The following TTC34 variants were observed in gnomAD, a reference collection of about 807,000 sequenced individuals.
TTC34 encodes the protein tetratricopeptide repeat protein 34.
In TTC34, 44 loss-of-function variants were observed where a neutral mutation model predicts 40.7. The observed-to-expected ratio is 1.08, with a 90% CI of 0.85 to 1.39. The LOEUF (loss-of-function observed/expected upper bound fraction) is 1.39, where lower values mean the gene tolerates loss of function less well. TTC34 is among the 40% of genes most tolerant of loss of function. TTC34 has a pLI of 0.00. For missense variants in TTC34, 884 were observed against 838.0 expected (o/e 1.05, Z -0.68); for synonymous variants, 422 against 398.6 (o/e 1.06, Z -0.70).
chr1:2,641,306 G>C, exon 9 of TTC34: 2 of 1,441,474 alleles, frequency 1.4e-6, no homozygotes. Flanking sequence ...CCCTGGGCCT[G>C]GACATCAGGT....
chr1:2,652,432 A>T (rs534042528), intron 6 of TTC34, among the ~76,000 whole-genome samples: 1 of 152,090 alleles, frequency 6.6e-6, no homozygotes, highest in East Asian at 1.9e-4. Flanking sequence ...ACAGCCTGGA[A>T]CAGCACCCAC....
In TTC34 at chr1:2,684,693, G is replaced by A. The variant is rs559036277; in HGVS notation, c.2227-39130C>T. ...CACCCACACGCCCAGGTGAGCATCT[G>A]ACAGCCTGGAACGGCAACCACACCC... is the stretch of plus-strand genomic sequence containing the variant. On this transcript the variant is annotated intron_variant, in intron 6 of 8. Coordinates refer to ENST00000401095, the Ensembl canonical transcript of TTC34. Among the ~76,000 whole-genome samples, 83 of 129,942 alleles carry A rather than the reference G, an allele frequency of 6.4e-4. 2 individuals are homozygous for A. The highest frequency in any genetic ancestry group is 2.7e-3 in the African/African-American group (81 of 29,480). 85.2% of individuals were successfully genotyped at this position (129,942 alleles called of 152,430 possible).
At chr1:2,759,471 C>CTG (rs1641619463) in intron 6 of TTC34, among the ~76,000 whole-genome samples, 1 of 5,396 alleles carries the variant, frequency 1.9e-4, no homozygotes. Context: ...TGGAGCAGCA[C>CTG]CCCACACCCC....
rs370204380 is a variant in TTC34, at chr1:2,645,790, AC to A, written c.2227-228del. On this transcript the variant is annotated intron_variant, in intron 6 of 8. Coordinates refer to ENST00000401095, the Ensembl canonical transcript of TTC34. The surrounding 1 kb of genome is among the most constrained non-coding windows in gnomAD (Gnocchi z 4.7). ...GCATTTGAGGGGACTCAGCTCACTG[AC>A]CTTGACTCTGAAAGTTGTCAGGCTC... is the stretch of plus-strand genomic sequence containing the variant. 3.7e-4 allele frequency among the ~76,000 whole-genome samples: 56 copies of A among 152,114 alleles called. No individual in the cohort carries two copies. The East Asian group carries it at 9.7e-3, about 26-fold the overall frequency.
At chr1:2,752,128 G>A (rs1262964405) in intron 6 of TTC34, among the ~76,000 whole-genome samples, 38,958 of 73,854 alleles carry the variant, frequency 0.53, 13,989 homozygotes, top group African/African-American at 0.75. Context: ...CAACACCCAC[G>A]CCCCCAGGTG....
At position 2,783,600 on chromosome 1, in the gene TTC34, G is replaced by A. The variant is rs1257252541; in HGVS notation, c.2226+9C>T. The A allele has an allele frequency of 3.6e-6, 5 of 1,407,992 alleles. No homozygotes were observed. The highest frequency in any genetic ancestry group is 4.7e-6 in the Non-Finnish European group (5 of 1,064,078). 87.2% of individuals were successfully genotyped at this position (1,407,992 alleles called of 1,614,324 possible). On this transcript the variant is annotated intron_variant, in intron 6 of 8. Transcript: ENST00000401095. ...CTTGCCCAGGCCCAGGTCAGGAGTG[G>A]GGCGGCACCTGCAGCTGGTCTAGGG...
intron 6 of TTC34, among the ~76,000 whole-genome samples, chr1:2,767,840 C>G (rs1405888553): frequency 6.8e-6 from 1 of 147,862 alleles, no homozygotes; most frequent in South Asian, 2.2e-4. Flanking sequence ...TGGAGCAGCA[C>G]CCACACCCCC....
In TTC34 at chr1:2,783,641, C is replaced by T. The variant is rs1029442006; in HGVS notation, c.2194G>A (p.Ala732Thr). 6.8e-6 allele frequency: 10 copies of T among 1,468,344 alleles called. No individual in the cohort carries two copies. The highest frequency in any genetic ancestry group is 9.1e-6 in the Non-Finnish European group (10 of 1,096,582). The allele number at this position is 1,468,344 out of a possible 1,614,324, so 91.0% of individuals were successfully genotyped here. A position where few individuals can be genotyped will look rare whatever the true frequency, so the allele number is the denominator to read the frequency against. Residue 732 changes from alanine to threonine, a missense_variant, in exon 6 of 9, where the codon GCG (alanine) becomes ACG (threonine). Ala to Thr is a moderately conservative substitution (Grantham distance 58). Transcript: ENST00000401095. ...TGGTCTAGGGCCAGGTGCACCAACGCCCGTCCACACAGTGCCTGCACGTTC... is the reference window on the plus strand; with the variant it reads ...TGGTCTAGGGCCAGGTGCACCAACGTCCGTCCACACAGTGCCTGCACGTTC...
intron 6 of TTC34, among the ~76,000 whole-genome samples, chr1:2,652,110 A>G (rs866568713): frequency 1.0e-4 from 1 of 9,926 alleles, no homozygotes; most frequent in African/African-American, 3.6e-4. Context: ...GACAGACTGG[A>G]ACAGCACCCT....
In TTC34 at chr1:2,691,879, C is replaced by T. The variant is rs113858725; in HGVS notation, c.2227-46316G>A. ...GCCCCCACACCCAGAGGTGAGCATC[C>T]GACAGCCAGGAGCAGCAACCTGCAC... On this transcript the variant is annotated intron_variant, in intron 6 of 8. Transcript: ENST00000401095. Among the ~76,000 whole-genome samples the T allele has an allele frequency of 5.7e-4, 31 of 54,230 alleles. 2 individuals are homozygous for T. The East Asian group carries it at 6.3e-3, about 11-fold the overall frequency. The allele number at this position is 54,230 out of a possible 152,430, so 35.6% of individuals were successfully genotyped here. A position where few individuals can be genotyped will look rare whatever the true frequency, so the allele number is the denominator to read the frequency against.
At chr1:2,759,544 G>T (rs1641622571) in intron 6 of TTC34, among the ~76,000 whole-genome samples, 34 of 149,650 alleles carry the variant, frequency 2.3e-4, no homozygotes, top group Admixed American at 5.3e-4. Flanking sequence ...TGACAGCCTG[G>T]AACAGCACCC....
intron 6 of TTC34, among the ~76,000 whole-genome samples, chr1:2,652,508 T>TTG (rs1570753889): frequency 7.2e-6 from 1 of 139,708 alleles, no homozygotes; most frequent in Non-Finnish European, 1.5e-5. Context: ...TCTGACGGCC[T>TTG]GCAACAGCAC....
intron 6 of TTC34, among the ~76,000 whole-genome samples, chr1:2,688,531 C>G (rs534945958): frequency 1.4e-5 from 2 of 146,014 alleles, no homozygotes; most frequent in South Asian, 2.1e-4. Context: ...GTACCCACAC[C>G]CACAGGCGAG....
chr1:2,786,148 G>A (rs1643585917), intron 4 of TTC34, 125 bp from the exon 5 acceptor site: 5 of 860,244 alleles, frequency 5.8e-6, no homozygotes, highest in South Asian at 2.7e-5. Flanking sequence ...TGGTGCCAAC[G>A]CTCCCAGTCC....
intron 6 of TTC34, among the ~76,000 whole-genome samples, chr1:2,751,146 C>A (rs1641305772): frequency 9.5e-6 from 1 of 104,864 alleles, no homozygotes; most frequent in Admixed American, 1.0e-4. Context: ...GAGCATCTGA[C>A]ACCCTGGAGC....
intron 6 of TTC34, among the ~76,000 whole-genome samples, chr1:2,685,150 C>G (rs1570809900): frequency 7.0e-6 from 1 of 143,802 alleles, no homozygotes; most frequent in African/African-American, 2.7e-5. Context: ...CCTGGAACAG[C>G]ACCCACAACC....
chr1:2,650,009 A>T (rs542690880), intron 6 of TTC34, among the ~76,000 whole-genome samples: 68 of 150,498 alleles, frequency 4.5e-4, no homozygotes, highest in Admixed American at 9.9e-4. Context: ...GGCACTCTGC[A>T]TCCCCAGGTG....
chr1:2,784,993 T>TCTGGGCCGCC (rs1233361328), intron 5 of TTC34, among the ~76,000 whole-genome samples: 2 of 151,758 alleles, frequency 1.3e-5, no homozygotes, highest in Non-Finnish European at 2.9e-5. Context: ...TCTGGGCTGC[T>TCTGGGCCGCC]CTGGGCCGCT....
At chr1:2,683,143 A>C (rs1379983929) in intron 6 of TTC34, among the ~76,000 whole-genome samples, 1 of 134,680 alleles carries the variant, frequency 7.4e-6, no homozygotes, top group Non-Finnish European at 1.6e-5. Context: ...CTGGAACAGC[A>C]CGCACAGCCC....
Sources: allele counts gnomAD v4.1 joint callset (sites outside exome capture counted in the v4.1 genomes callset), GRCh38; gene constraint gnomAD v4.1.1; non-coding constraint Gnocchi (gnomAD v3.1); transcripts MANE v1.5; gene names NCBI Gene and HGNC (gene_info 2026-07-23, HGNC 2026-07-21).